The following PIK3R4 variants were observed in gnomAD, a reference collection of about 807,000 sequenced individuals.
The protein encoded by PIK3R4 is phosphoinositide-3-kinase regulatory subunit 4.
PIK3R4 carries 46 observed loss-of-function variants against 136.5 expected under a neutral mutation model. The ratio of observed to expected loss-of-function variants is 0.34; its 90% CI spans 0.27 to 0.43. The LOEUF (loss-of-function observed/expected upper bound fraction) is 0.43, where lower values mean the gene tolerates loss of function less well. Among genes scored for constraint, PIK3R4 ranks in the 20% least tolerant of loss-of-function variants. The pLI is 1.00. For synonymous variants in PIK3R4, 557 were observed against 566.7 expected (o/e 0.98, Z 0.24); for missense variants, 1,331 against 1,649.5 (o/e 0.81, Z 3.35).
chr3:130,741,576 T>C (rs1170763993), intron 2 of PIK3R4, among the ~76,000 whole-genome samples: 1 of 152,212 alleles, frequency 6.6e-6, no homozygotes, highest in African/African-American at 2.4e-5. Flanking sequence ...TCTGTATCAT[T>C]CAAATCTCAG....
intron 19 of PIK3R4, among the ~76,000 whole-genome samples, chr3:130,680,223 T>C (rs1464270026): frequency 2.6e-5 from 4 of 152,326 alleles, no homozygotes; most frequent in Admixed American, 2.6e-4. Flanking sequence ...ATATTCTCAC[T>C]TGAAGTTTTT....
At chr3:130,738,513 T>C (rs557639359) in intron 2 of PIK3R4, among the ~76,000 whole-genome samples, 5 of 152,298 alleles carry the variant, frequency 3.3e-5, no homozygotes, top group African/African-American at 1.2e-4. Context: ...ATATATTGCC[T>C]GGCTTTGTCA....
rs537577344 is a variant in PIK3R4 at position 130,723,799 on chromosome 3, C to T, written c.1808-212G>A. 490 of 420,440 alleles carry T rather than the reference C, an allele frequency of 1.2e-3. 1 individual carries two copies. The highest frequency in any genetic ancestry group is 1.9e-3 in the Middle Eastern group (3 of 1,596). 26.0% of individuals were successfully genotyped at this position (420,440 alleles called of 1,614,324 possible). On this transcript the variant is annotated intron_variant, in intron 6 of 19. Coordinates refer to ENST00000356763, the MANE Select transcript of PIK3R4 (RefSeq NM_014602.3). ...CGGACACCACAGAAAAGCTAAGATC[C>T]TAAGAACTTACAGAAATGAAAATAT...
At chr3:130,692,248 T>C (rs1331444838) in intron 13 of PIK3R4, among the ~76,000 whole-genome samples, 1 of 152,172 alleles carries the variant, frequency 6.6e-6, no homozygotes, top group Non-Finnish European at 1.5e-5. Flanking sequence ...CATAATTCAA[T>C]GATTTTTAGT....
intron 3 of PIK3R4, among the ~76,000 whole-genome samples, chr3:130,735,009 C>G (rs1337675148): frequency 6.6e-6 from 1 of 152,110 alleles, no homozygotes; most frequent in African/African-American, 2.4e-5. Flanking sequence ...TTTCGCAGTT[C>G]AGAAAATGTA....
chr3:130,716,360 G>A (rs751168612), intron 9 of PIK3R4, 36 bp downstream of exon 9: 23 of 1,498,996 alleles, frequency 1.5e-5, no homozygotes, highest in East Asian at 1.1e-4. Context: ...TATGAAATTC[G>A]CATTTAAATG....
intron 9 of PIK3R4, 58 bp from the exon 10 acceptor site, chr3:130,708,550 C>A: frequency 7.0e-7 from 1 of 1,435,132 alleles, no homozygotes; most frequent in Non-Finnish European, 9.7e-7. Flanking sequence ...AAAAACAAGC[C>A]TCAGAATGAC....
chr3:130,688,702 A>T (rs2066501444), intron 14 of PIK3R4, among the ~76,000 whole-genome samples: 1 of 152,200 alleles, frequency 6.6e-6, no homozygotes, highest in Admixed American at 6.5e-5. Context: ...TAAAAAGAAC[A>T]TCATAAAACA....
intron 13 of PIK3R4, among the ~76,000 whole-genome samples, chr3:130,699,920 A>C: frequency 6.6e-6 from 1 of 152,278 alleles, no homozygotes; most frequent in Admixed American, 6.5e-5. Flanking sequence ...TGTGATACAT[A>C]TATTGTAAAA....
At chr3:130,719,906 A>G (rs2066689343) in intron 7 of PIK3R4, among the ~76,000 whole-genome samples, 1 of 152,170 alleles carries the variant, frequency 6.6e-6, no homozygotes, top group Admixed American at 6.5e-5. Context: ...TCACCATGAG[A>G]ACATGATGTG....
At chr3:130,725,250 A>C (rs1312003359) in intron 6 of PIK3R4, among the ~76,000 whole-genome samples, 1 of 151,932 alleles carries the variant, frequency 6.6e-6, no homozygotes, top group Admixed American at 6.5e-5. Context: ...TATGGCTATG[A>C]ATATGAGTAC....
chr3:130,745,569 T>TA (rs1286183880), intron 1 of PIK3R4, among the ~76,000 whole-genome samples: 1 of 152,244 alleles, frequency 6.6e-6, no homozygotes, highest in Non-Finnish European at 1.5e-5. Context: ...CCAAAAATGT[T>TA]AGTTTGTGTT....
rs115411122 is a variant in PIK3R4, at chr3:130,697,488, T to C, written c.3098+6235A>G. ...TCATACATAGCATACAGTTGGATCATGTTTTTTCACCCCTTCTACCAACTC... is the reference window on the plus strand; with the variant it reads ...TCATACATAGCATACAGTTGGATCACGTTTTTTCACCCCTTCTACCAACTC... On this transcript the variant is annotated intron_variant, in intron 13 of 19. Transcript: ENST00000356763. Among the ~76,000 whole-genome samples the C allele has an allele frequency of 3.2e-3, 494 of 152,366 alleles. 3 individuals are homozygous for C. Among genetic ancestry groups the C allele is most frequent in the African/African-American group, 0.011 (465 of 41,582 alleles).
intron 12 of PIK3R4, among the ~76,000 whole-genome samples, chr3:130,704,848 T>C (rs1271652126): frequency 6.6e-6 from 1 of 152,160 alleles, no homozygotes; most frequent in Non-Finnish European, 1.5e-5. Context: ...TTTATTTTTT[T>C]GAGACAGAGT....
At chr3:130,686,065 G>C (rs774134812) in intron 15 of PIK3R4, 146 bp downstream of exon 15, 1 of 598,906 alleles carries the variant, frequency 1.7e-6, no homozygotes, top group Non-Finnish European at 3.0e-6. Context: ...AAATAAAATT[G>C]CAAGTTATTT....
intron 9 of PIK3R4, among the ~76,000 whole-genome samples, 176 bp downstream of exon 9, chr3:130,716,220 T>C (rs1331556246): frequency 1.3e-5 from 2 of 152,260 alleles, no homozygotes; most frequent in Non-Finnish European, 2.9e-5. Flanking sequence ...ATCATCATCT[T>C]ATTATTATCT....
intron 12 of PIK3R4, 81 bp downstream of exon 12, chr3:130,705,480 G>C: frequency 2.3e-6 from 2 of 875,244 alleles, no homozygotes; most frequent in Non-Finnish European, 3.7e-6. Context: ...TTGTCTGGTA[G>C]TTAAGTATTC....
rs1335161203 is a variant in PIK3R4 at position 130,681,607 on chromosome 3, G to C, written c.3608-16C>G. 1 of 1,477,040 alleles carries C rather than the reference G, an allele frequency of 6.8e-7. No individual in the cohort carries two copies. Among genetic ancestry groups the C allele is most frequent in the African/African-American group, 1.4e-5 (1 of 71,984 alleles). The allele number at this position is 1,477,040 out of a possible 1,614,324, so 91.5% of individuals were successfully genotyped here. A position where few individuals can be genotyped will look rare whatever the true frequency, so the allele number is the denominator to read the frequency against. ...CCCTGAACAGCTAAAGGAAACAAAGGCCAGAATCTTGACTCAGACAAAAAG... is the reference window on the plus strand; with the variant it reads ...CCCTGAACAGCTAAAGGAAACAAAGCCCAGAATCTTGACTCAGACAAAAAG... On this transcript the variant is annotated splice_polypyrimidine_tract_variant and intron_variant, in intron 16 of 19. Coordinates refer to ENST00000356763, the MANE Select transcript of PIK3R4 (RefSeq NM_014602.3).
intron 14 of PIK3R4, among the ~76,000 whole-genome samples, chr3:130,687,540 C>G (rs1423333412): frequency 6.6e-6 from 1 of 152,108 alleles, no homozygotes; most frequent in Non-Finnish European, 1.5e-5. Context: ...AGGGAGCATG[C>G]CTGTGGTAAG....
Sources: allele counts gnomAD v4.1 joint callset (sites outside exome capture counted in the v4.1 genomes callset), GRCh38; gene constraint gnomAD v4.1.1; transcripts MANE v1.5; gene names NCBI Gene and HGNC (gene_info 2026-07-23, HGNC 2026-07-21).